Variants in RANBP3L observed in about 807,000 individuals in gnomAD.
RANBP3L encodes ran-binding protein 3-like.
Under a neutral mutation model 67.2 loss-of-function variants are expected in RANBP3L, and 56 were observed. The observed-to-expected ratio is 0.83, with a 90% CI of 0.67 to 1.04. The LOEUF (loss-of-function observed/expected upper bound fraction) is 1.04, where lower values mean the gene tolerates loss of function less well. Ranked by LOEUF, RANBP3L falls within the 50% of genes least tolerant of loss-of-function variation. The pLI is 0.00. For synonymous variants in RANBP3L, 164 were observed against 181.4 expected (o/e 0.90, Z 0.77); for missense variants, 496 against 535.5 (o/e 0.93, Z 0.73).
At position 36,261,955 on chromosome 5, in the gene RANBP3L, C is replaced by G. The variant is rs950749795; in HGVS notation, c.568G>C (p.Gly190Arg). Residue 190 changes from glycine to arginine, a missense_variant, in exon 7 of 14, where the codon GGT becomes CGT. By Grantham distance (125) the Gly-to-Arg change is moderately radical. Coordinates refer to ENST00000296604, the MANE Select transcript of RANBP3L (RefSeq NM_145000.5). ...VQLSTNQDFL[G>R]ATSVGCQPNE... The stretch of plus-strand genomic sequence containing the variant: ...TTAACTTACCCTACTGATGTTGCAC[C>G]TAAAAAGTCCTGGTTAGTAGACAGC... The G allele has an allele frequency of 6.4e-7, 1 of 1,569,772 alleles. No homozygotes were observed. The highest frequency in any genetic ancestry group is 1.7e-5 in the Admixed American group (1 of 58,822).
At chr5:36,297,951 T>C (rs1752343306) in intron 1 of RANBP3L, among the ~76,000 whole-genome samples, 1 of 152,024 alleles carries the variant, frequency 6.6e-6, no homozygotes, top group Admixed American at 6.6e-5. Flanking sequence ...CTTCTGTGAG[T>C]GACTAGGTGG....
chr5:36,255,427 A>T (rs1272279890), intron 11 of RANBP3L, 43 bp downstream of exon 11: 1 of 1,589,562 alleles, frequency 6.3e-7, no homozygotes, highest in Non-Finnish European at 8.6e-7. Flanking sequence ...ACACAGGAGA[A>T]ATCCTGACAA....
chr5:36,268,236 A>C (rs1749950089), intron 4 of RANBP3L: 9 of 1,538,524 alleles, frequency 5.8e-6, no homozygotes, highest in Non-Finnish European at 7.9e-6. Flanking sequence ...TGACGGATGA[A>C]CATCTCATTT....
chr5:36,254,976 C>T (rs2111656302), intron 11 of RANBP3L, among the ~76,000 whole-genome samples: 1 of 152,238 alleles, frequency 6.6e-6, no homozygotes, highest in South Asian at 2.1e-4. Flanking sequence ...AATCCTTCAT[C>T]CCGACCCCCA....
intron 4 of RANBP3L, among the ~76,000 whole-genome samples, chr5:36,266,084 GT>G (rs1749763689): frequency 6.6e-6 from 1 of 151,816 alleles, no homozygotes; most frequent in African/African-American, 2.4e-5. Context: ...AGAAAAGGCA[GT>G]CTTTTTTTTG....
chr5:36,291,551 G>A (rs191979867), intron 1 of RANBP3L, among the ~76,000 whole-genome samples: 4 of 151,280 alleles, frequency 2.6e-5, no homozygotes, highest in Non-Finnish European at 5.9e-5. Flanking sequence ...CCTCCCCTCT[G>A]CCCCCACCCC....
chr5:36,265,047 G>A lies in RANBP3L; in HGVS notation c.392C>T (p.Pro131Leu). 3 of 1,612,880 alleles carry A rather than the reference G, an allele frequency of 1.9e-6. No homozygotes were observed. Among genetic ancestry groups the A allele is most frequent in the Non-Finnish European group, 2.5e-6 (3 of 1,179,070 alleles). The change falls in exon 6 of 14, where the codon CCT (proline) becomes CTT (leucine). Residue 131 changes from proline to leucine, a missense_variant. Pro to Leu is a moderately conservative substitution (Grantham distance 98). Transcript: ENST00000296604. ...TACTTTTGCACAACTTCGAGCTTGA[G>A]GTAGCTGCAAAATAGCAGGTCTAAT... ...HVIRPAILQLPQARSCAKVRK... is the reference protein window; with the variant it reads ...HVIRPAILQLLQARSCAKVRK...
intron 1 of RANBP3L, among the ~76,000 whole-genome samples, chr5:36,278,763 G>A (rs1750771508): frequency 1.3e-5 from 2 of 152,170 alleles, no homozygotes; most frequent in South Asian, 4.1e-4. Context: ...TGTCAATATT[G>A]ATATTGATAT....
At position 36,301,574 on chromosome 5, in the gene RANBP3L, C is replaced by A; in HGVS notation, c.-158G>T. 2.0e-6 allele frequency: 1 copy of A among 497,130 alleles called. No homozygotes were observed. Among genetic ancestry groups the A allele is most frequent in the Non-Finnish European group, 3.6e-6 (1 of 276,526 alleles). 30.8% of individuals were successfully genotyped at this position (497,130 alleles called of 1,614,324 possible). Reference sequence around the variant, plus strand: ...TATACTCCTCTACTAAACTTCCAAGCTTTTTCCAGTCATGATTCTTGAAAT... The same window carrying A: ...TATACTCCTCTACTAAACTTCCAAGATTTTTCCAGTCATGATTCTTGAAAT... On this transcript the variant is annotated 5_prime_UTR_variant, in exon 1 of 14. Transcript: ENST00000296604.
At chr5:36,281,822 T>C (rs1295211481) in intron 1 of RANBP3L, among the ~76,000 whole-genome samples, 1 of 152,222 alleles carries the variant, frequency 6.6e-6, no homozygotes, top group African/African-American at 2.4e-5. Flanking sequence ...CTGGCAGCAA[T>C]AACTAAGAAG....
intron 10 of RANBP3L, 47 bp from the exon 11 acceptor site, chr5:36,255,637 A>G (rs781109844): frequency 1.4e-6 from 2 of 1,411,706 alleles, no homozygotes; most frequent in East Asian, 2.3e-5. Flanking sequence ...AAATTTTTTC[A>G]AAGTAAATTA....
At chr5:36,267,320 G>A (rs1217381263) in intron 4 of RANBP3L, among the ~76,000 whole-genome samples, 4 of 152,062 alleles carry the variant, frequency 2.6e-5, no homozygotes, top group African/African-American at 9.6e-5. Context: ...CATCCTGGCC[G>A]AAATGGTGAA....
chr5:36,276,260 T>A (rs987530630), intron 1 of RANBP3L, among the ~76,000 whole-genome samples: 2 of 152,184 alleles, frequency 1.3e-5, no homozygotes, highest in Non-Finnish European at 2.9e-5. Context: ...GCCTTCACCT[T>A]TACTCAAAAC....
chr5:36,299,417 G>C (rs1752468738), intron 1 of RANBP3L, among the ~76,000 whole-genome samples: 1 of 151,672 alleles, frequency 6.6e-6, no homozygotes, highest in East Asian at 1.9e-4. Flanking sequence ...AATACAGCCA[G>C]TAAAGGAGAG....
intron 1 of RANBP3L, among the ~76,000 whole-genome samples, chr5:36,284,609 A>G (rs1319668350): frequency 6.6e-6 from 1 of 152,172 alleles, no homozygotes; most frequent in Non-Finnish European, 1.5e-5. Flanking sequence ...TCAAAAACCC[A>G]AACTGCTCTC....
At position 36,248,675 on chromosome 5, in the gene RANBP3L, G is replaced by A. The variant is rs1748414786; in HGVS notation, c.*979C>T. 1 of 152,106 alleles carries A rather than the reference G, an allele frequency of 6.6e-6. No homozygotes were observed. Among genetic ancestry groups the A allele is most frequent in the African/African-American group, 2.4e-5 (1 of 41,440 alleles). The allele number at this position is 152,106 out of a possible 1,614,324, so 9.4% of individuals were successfully genotyped here. A position where few individuals can be genotyped will look rare whatever the true frequency, so the allele number is the denominator to read the frequency against. ...TAATTGCTTAGGGGTCACAATCAAA[G>A]TCACTTCGAAGCCATGGTGTGATAA... On this transcript the variant is annotated 3_prime_UTR_variant, in exon 14 of 14. Coordinates refer to ENST00000296604, the MANE Select transcript of RANBP3L (RefSeq NM_145000.5).
At chr5:36,269,258 T>A in intron 4 of RANBP3L, 132 bp downstream of exon 4, 1 of 623,662 alleles carries the variant, frequency 1.6e-6, no homozygotes, top group South Asian at 2.1e-5. Flanking sequence ...CTTGTTGTTT[T>A]CACGTAACAA....
In RANBP3L at chr5:36,257,047, G is replaced by GAA; in HGVS notation, c.795_796dup (p.Ser266PhefsTer3). The GAA allele has an allele frequency of 1.2e-6, 2 of 1,612,184 alleles. No homozygotes were observed. The highest frequency in any genetic ancestry group is 1.7e-6 in the Non-Finnish European group (2 of 1,178,860). On this transcript the variant is annotated frameshift_variant, in exon 10 of 14. Transcript: ENST00000296604. LOFTEE classifies it high-confidence loss of function. ...GAATGCAGCAGCTGATTCAATTAGG[G>GAA]AAGTATTTTTAATAGAGTCTGTTCC...
In RANBP3L at chr5:36,255,417, A is replaced by G. The variant is rs1748897333; in HGVS notation, c.1024+53T>C. On this transcript the variant is annotated intron_variant, in intron 11 of 13. Coordinates refer to ENST00000296604, the MANE Select transcript of RANBP3L (RefSeq NM_145000.5). ...GATGTGTACCTATATTATTATAAGT[A>G]CACAGGAGAAATCCTGACAAATTAT... 4.0e-5 allele frequency: 63 copies of G among 1,564,554 alleles called. No homozygotes were observed. In the South Asian group the frequency reaches 6.7e-4, roughly 17 times the overall value.
Sources: allele counts gnomAD v4.1 joint callset (sites outside exome capture counted in the v4.1 genomes callset), GRCh38; gene constraint gnomAD v4.1.1; transcripts MANE v1.5; gene names NCBI Gene and HGNC (gene_info 2026-07-23, HGNC 2026-07-21).